Variants in TXNRD2 observed in about 807,000 individuals in gnomAD.
TXNRD2 encodes the protein thioredoxin reductase 2.
A neutral mutation model predicts 70.8 loss-of-function variants in TXNRD2; 67 were observed. That is an observed-to-expected ratio of 0.95 (90% confidence interval 0.78 to 1.16). The LOEUF (loss-of-function observed/expected upper bound fraction) is 1.16. TXNRD2 is among the 50% of genes most tolerant of loss of function. The pLI is 0.00. For missense variants in TXNRD2, 644 were observed against 719.9 expected (o/e 0.89, Z 1.21); for synonymous variants, 301 against 295.8 (o/e 1.02, Z -0.18).
At chr22:19,911,002 G>T in intron 8 of TXNRD2, 1 of 321,056 alleles carries the variant, frequency 3.1e-6, no homozygotes, top group South Asian at 2.6e-5. Context: ...TTGAACCTGG[G>T]AGGCAGGGAT....
chr22:19,925,300 C>CAAA (rs1318829099), intron 2 of TXNRD2, among the ~76,000 whole-genome samples: 1 of 151,550 alleles, frequency 6.6e-6, no homozygotes, highest in East Asian at 1.9e-4. Flanking sequence ...CAAAACAAAA[C>CAAA]AAAACAACAA....
chr22:19,881,935 T>G (rs1938798376), intron 12 of TXNRD2, among the ~76,000 whole-genome samples: 1 of 152,220 alleles, frequency 6.6e-6, no homozygotes, highest in Non-Finnish European at 1.5e-5. Flanking sequence ...CTGCAGGGTC[T>G]GCCTGGAGCC....
chr22:19,936,963 C>G (rs893820076), intron 1 of TXNRD2, among the ~76,000 whole-genome samples: 7 of 152,284 alleles, frequency 4.6e-5, no homozygotes, highest in African/African-American at 1.7e-4. Flanking sequence ...TCGATATACG[C>G]CGCTCAATCT....
At chr22:19,940,362 GACT>G (rs1295204399) in intron 1 of TXNRD2, among the ~76,000 whole-genome samples, 3 of 151,888 alleles carry the variant, frequency 2.0e-5, no homozygotes, top group Non-Finnish European at 4.4e-5. Context: ...AATGCCTGGA[GACT>G]ACTTATTTTA....
intron 6 of TXNRD2, 55 bp downstream of exon 6, chr22:19,915,710 C>T: frequency 1.3e-6 from 2 of 1,523,090 alleles, no homozygotes; most frequent in East Asian, 4.5e-5. Context: ...GCAGTTGGTG[C>T]CCAAGGTCTG....
At chr22:19,930,680 G>A (rs548310473) in intron 2 of TXNRD2, among the ~76,000 whole-genome samples, 3 of 152,312 alleles carry the variant, frequency 2.0e-5, no homozygotes, top group Admixed American at 1.3e-4. Flanking sequence ...GCCACAGTAA[G>A]GTGAAGGAGA....
chr22:19,932,077 C>T (rs376220294), intron 1 of TXNRD2, among the ~76,000 whole-genome samples: 6 of 148,400 alleles, frequency 4.0e-5, no homozygotes, highest in Non-Finnish European at 7.4e-5. Flanking sequence ...AGGAGAATGG[C>T]GTGAACCCGG....
intron 1 of TXNRD2, among the ~76,000 whole-genome samples, chr22:19,939,667 T>TTA (rs1941636408): frequency 6.6e-6 from 1 of 152,120 alleles, no homozygotes; most frequent in Non-Finnish European, 1.5e-5. Flanking sequence ...TTACTATGGG[T>TTA]TATAAATACC....
Position 19,883,444 on chromosome 22 carries a change from T to C in TXNRD2, c.967A>G (p.Arg323Gly), listed in dbSNP as rs1265487701. The C allele has an allele frequency of 5.0e-6, 8 of 1,614,068 alleles. No homozygotes were observed. The highest frequency in any genetic ancestry group is 3.3e-5 in the Admixed American group (2 of 60,036). The change falls in exon 12 of 18, where the codon AGA (arginine) becomes GGA (glycine). Residue 323 changes from arginine to glycine, a missense_variant. Arg to Gly is a moderately radical substitution (Grantham distance 125). Coordinates refer to ENST00000400521, the MANE Select transcript of TXNRD2 (RefSeq NM_006440.5). ...CCAGCCTTCTCCAAATTCAGACTTC[T>C]GGTGTCTGGGACTCGACCTGAAGGA... ...LWAIGRVPDT[R>G]SLNLEKAGVD...
intron 2 of TXNRD2, among the ~76,000 whole-genome samples, chr22:19,923,401 C>T (rs1320557903): frequency 6.6e-6 from 1 of 152,162 alleles, no homozygotes; most frequent in African/African-American, 2.4e-5. Flanking sequence ...AGTAGGAAGT[C>T]TGAGGCCCTA....
intron 7 of TXNRD2, 73 bp from the exon 8 acceptor site, chr22:19,911,520 C>G (rs1212125226): frequency 1.7e-6 from 2 of 1,177,656 alleles, no homozygotes. Context: ...AAAGAGGATG[C>G]CAGCTTTGCA....
At chr22:19,905,556 C>T (rs1301243693) in intron 8 of TXNRD2, among the ~76,000 whole-genome samples, 2 of 152,174 alleles carry the variant, frequency 1.3e-5, no homozygotes, top group Non-Finnish European at 2.9e-5. Flanking sequence ...GGGGAACAGG[C>T]ACAACGAGGG....
chr22:19,919,726 A>G (rs1397594045), intron 2 of TXNRD2, 127 bp from the exon 3 acceptor site: 1 of 763,602 alleles, frequency 1.3e-6, no homozygotes, highest in East Asian at 2.8e-5. Flanking sequence ...CTGCCCACAC[A>G]GTGGCTGAGC....
At chr22:19,925,313 A>G (rs1304860015) in intron 2 of TXNRD2, among the ~76,000 whole-genome samples, 1 of 151,716 alleles carries the variant, frequency 6.6e-6, no homozygotes, top group Non-Finnish European at 1.5e-5. Flanking sequence ...AACAACAACA[A>G]CAAAAAAGAA....
At chr22:19,907,834 G>A (rs112206580) in intron 8 of TXNRD2, among the ~76,000 whole-genome samples, 997 of 37,356 alleles carry the variant, frequency 0.027, 65 homozygotes, top group East Asian at 0.07. Flanking sequence ...ACCGCTCTCA[G>A]GAGAGTGTGG....
At chr22:19,912,162 C>G (rs528546771) in intron 7 of TXNRD2, among the ~76,000 whole-genome samples, 1 of 152,258 alleles carries the variant, frequency 6.6e-6, no homozygotes, top group East Asian at 1.9e-4. Flanking sequence ...GTGGGAGGCC[C>G]AGGGTGAACG....
At chr22:19,900,327 A>T (rs987199879) in intron 8 of TXNRD2, among the ~76,000 whole-genome samples, 14 of 152,218 alleles carry the variant, frequency 9.2e-5, no homozygotes, top group Non-Finnish European at 1.9e-4. Flanking sequence ...GTATGCACGC[A>T]CTTCCACACA....
At chr22:19,911,335 G>C in intron 8 of TXNRD2, 42 bp downstream of exon 8, 4 of 1,520,722 alleles carry the variant, frequency 2.6e-6, no homozygotes, top group Non-Finnish European at 3.7e-6. Context: ...GCTCACTCTG[G>C]TGAACAAAAA....
chr22:19,902,384 C>T (rs372154156), intron 8 of TXNRD2, among the ~76,000 whole-genome samples: 1 of 152,176 alleles, frequency 6.6e-6, no homozygotes, highest in Non-Finnish European at 1.5e-5. Flanking sequence ...TTCAGGCCCA[C>T]GAAGCCTAGG....
Sources: allele counts gnomAD v4.1 joint callset (sites outside exome capture counted in the v4.1 genomes callset), GRCh38; gene constraint gnomAD v4.1.1; transcripts MANE v1.5; gene names NCBI Gene and HGNC (gene_info 2026-07-23, HGNC 2026-07-21).